CDH4: variants seen among roughly 807,000 people sequenced by gnomAD.
The protein encoded by CDH4 is cadherin 4.
In CDH4, 33 loss-of-function variants were observed where a neutral mutation model predicts 86.0. The ratio of observed to expected loss-of-function variants is 0.38; its 90% CI spans 0.29 to 0.51. The LOEUF (loss-of-function observed/expected upper bound fraction) is 0.51. Ranked by LOEUF, CDH4 falls within the 20% of genes least tolerant of loss-of-function variation. The pLI is 0.86. For synonymous variants in CDH4, 555 were observed against 549.4 expected, an observed-to-expected ratio of 1.01 and a Z score of -0.14; for missense variants, 1,114 against 1,307.4, an observed-to-expected ratio of 0.85 and a Z score of 2.28.
chr20:61,744,006 G>A (rs2088378697), intron 3 of CDH4, among the ~76,000 whole-genome samples: 1 of 152,236 alleles, frequency 6.6e-6, no homozygotes, highest in Admixed American at 6.5e-5. Flanking sequence ...AGGCACACAG[G>A]CCCCACACTC....
chr20:61,671,611 AGATG>A (rs1433928230), intron 2 of CDH4, among the ~76,000 whole-genome samples: 11 of 151,044 alleles, frequency 7.3e-5, no homozygotes, highest in African/African-American at 2.4e-4. Flanking sequence ...ATGGATGGGT[AGATG>A]GATGGATGGG....
At chr20:61,907,774 G>A (rs952243048) in intron 8 of CDH4, among the ~76,000 whole-genome samples, 4 of 152,214 alleles carry the variant, frequency 2.6e-5, no homozygotes, top group African/African-American at 7.2e-5. Context: ...AGACAGCTGG[G>A]AGATTCCGTC....
chr20:61,655,145 T>C (rs2145822587), intron 2 of CDH4, among the ~76,000 whole-genome samples: 1 of 152,312 alleles, frequency 6.6e-6, no homozygotes, highest in South Asian at 2.1e-4. Flanking sequence ...ACACACGTAA[T>C]TATGTATGCA....
intron 4 of CDH4, among the ~76,000 whole-genome samples, chr20:61,803,869 G>C (rs1051053212): frequency 6.6e-6 from 1 of 152,246 alleles, no homozygotes; most frequent in Non-Finnish European, 1.5e-5. Context: ...CAGGAGAAAC[G>C]AGAACAGGCT....
At chr20:61,671,641 A>T (rs1349597856) in intron 2 of CDH4, among the ~76,000 whole-genome samples, 1 of 149,776 alleles carries the variant, frequency 6.7e-6, no homozygotes, top group East Asian at 2.0e-4. Flanking sequence ...AGATGAGTGG[A>T]TAGATGGGTG....
At chr20:61,534,001 T>G (rs112738538) in intron 2 of CDH4, among the ~76,000 whole-genome samples, 17 of 152,328 alleles carry the variant, frequency 1.1e-4, no homozygotes, top group Non-Finnish European at 1.9e-4. Flanking sequence ...TTTAGAGAGA[T>G]AAATGGACTG....
chr20:61,662,679 T>G (rs2087272876), intron 2 of CDH4, among the ~76,000 whole-genome samples: 1 of 152,126 alleles, frequency 6.6e-6, no homozygotes, highest in African/African-American at 2.4e-5. Context: ...GAACGGACAG[T>G]GTCTGAGGTG....
intron 2 of CDH4, among the ~76,000 whole-genome samples, chr20:61,683,190 C>G (rs867876044): frequency 1.3e-5 from 2 of 152,050 alleles, no homozygotes; most frequent in Non-Finnish European, 2.9e-5. Context: ...GAGAAGTGCA[C>G]GCAGCTGTAC....
intron 2 of CDH4, among the ~76,000 whole-genome samples, chr20:61,333,339 T>C (rs2084595638): frequency 6.6e-6 from 1 of 152,068 alleles, no homozygotes; most frequent in South Asian, 2.1e-4. Context: ...TTCTGGACAT[T>C]TGGCAAAATC....
chr20:61,513,111 G>A (rs754761173), intron 2 of CDH4, among the ~76,000 whole-genome samples: 3 of 152,170 alleles, frequency 2.0e-5, no homozygotes, highest in African/African-American at 4.8e-5. Flanking sequence ...CAGGTAGGCC[G>A]TCCATTCCTC....
intron 2 of CDH4, among the ~76,000 whole-genome samples, chr20:61,406,596 C>G (rs535595600): frequency 6.7e-6 from 1 of 148,328 alleles, no homozygotes; most frequent in Non-Finnish European, 1.5e-5. Flanking sequence ...TCTGCCCAGA[C>G]CACCATCTGC....
chr20:61,811,548 C>T lies in CDH4; in HGVS notation c.577-33120C>T, dbSNP rs1980434884. On this transcript the variant is annotated intron_variant, in intron 4 of 15. Transcript: ENST00000614565. This position sits in a 1 kb window ranked among gnomAD's most constrained non-coding sequence, Gnocchi z 4.4. ...AAAATGGTGGTTCCCTAGCCCAGAA[C>T]ATCCCAGGGCTCCCTGGCCTTGCCA... Among the ~76,000 whole-genome samples the T allele has an allele frequency of 1.3e-5, 2 of 152,332 alleles. No individual in the cohort carries two copies. The highest frequency in any genetic ancestry group is 3.9e-4 in the East Asian group (2 of 5,178).
At chr20:61,429,437 C>A (rs915222506) in intron 2 of CDH4, among the ~76,000 whole-genome samples, 1 of 152,150 alleles carries the variant, frequency 6.6e-6, no homozygotes, top group African/African-American at 2.4e-5. Flanking sequence ...CTATAGAGAG[C>A]GCAACACCCA....
chr20:61,891,976 A>G (rs1195669831), intron 7 of CDH4, among the ~76,000 whole-genome samples: 1 of 152,206 alleles, frequency 6.6e-6, no homozygotes, highest in East Asian at 1.9e-4. Flanking sequence ...CGTCTTCTAT[A>G]AAGTACCAGG....
chr20:61,635,388 C>G (rs182493114), intron 2 of CDH4, among the ~76,000 whole-genome samples: 76 of 152,340 alleles, frequency 5.0e-4, no homozygotes, highest in African/African-American at 1.7e-3. Flanking sequence ...CCAGTCACCG[C>G]CCCTGGGAGA....
chr20:61,765,263 G>A (rs2088684981), intron 3 of CDH4, among the ~76,000 whole-genome samples: 1 of 152,180 alleles, frequency 6.6e-6, no homozygotes, highest in African/African-American at 2.4e-5. Flanking sequence ...CCTCGTGTAA[G>A]TAAGAGGCGG....
At chr20:61,570,489 G>A (rs895913900) in intron 2 of CDH4, 34 of 579,486 alleles carry the variant, frequency 5.9e-5, no homozygotes, top group East Asian at 2.8e-4. Context: ...GGTCTCCCTC[G>A]CAGCCCCTGC....
intron 12 of CDH4, among the ~76,000 whole-genome samples, chr20:61,929,286 C>G (rs2055079596): frequency 6.6e-6 from 1 of 152,072 alleles, no homozygotes; most frequent in African/African-American, 2.4e-5. Flanking sequence ...CACAGGCTTG[C>G]ACCACACGCC....
At chr20:61,487,890 G>A (rs2085605044) in intron 2 of CDH4, among the ~76,000 whole-genome samples, 1 of 152,168 alleles carries the variant, frequency 6.6e-6, no homozygotes, top group East Asian at 1.9e-4. Flanking sequence ...ACTAAGTATG[G>A]GTTGGAAAAA....
Sources: allele counts gnomAD v4.1 joint callset (sites outside exome capture counted in the v4.1 genomes callset), GRCh38; gene constraint gnomAD v4.1.1; non-coding constraint Gnocchi (gnomAD v3.1); transcripts MANE v1.5; gene names NCBI Gene and HGNC (gene_info 2026-07-23, HGNC 2026-07-21).